Variants in AADAT observed in about 807,000 individuals in gnomAD.
The protein encoded by AADAT is aminoadipate aminotransferase.
A neutral mutation model predicts 56.2 loss-of-function variants in AADAT; 25 were observed. The ratio of observed to expected loss-of-function variants is 0.44; its 90% CI spans 0.32 to 0.62. AADAT has a LOEUF of 0.62. Ranked by LOEUF, AADAT falls within the 20% of genes least tolerant of loss-of-function variation. The pLI is 0.04. For missense variants in AADAT, 387 were observed against 510.5 expected (o/e 0.76, Z 2.33); for synonymous variants, 173 against 164.7 (o/e 1.05, Z -0.39).
chr4:170,065,198 T>C (rs911200886), intron 10 of AADAT, among the ~76,000 whole-genome samples: 6 of 152,190 alleles, frequency 3.9e-5, no homozygotes, highest in African/African-American at 1.2e-4. Flanking sequence ...CTTCCATTAT[T>C]TGTGGATTCT....
Position 170,089,816 on chromosome 4 carries a change from C to T in AADAT, c.-126G>A. ...AACGCCACCGCGAGATGTGTCCCCCCGCTGCGTCTGGCTTCCCGCGCGCGG... is the reference window on the plus strand; with the variant it reads ...AACGCCACCGCGAGATGTGTCCCCCTGCTGCGTCTGGCTTCCCGCGCGCGG... On this transcript the variant is annotated 5_prime_UTR_variant, in exon 1 of 13. Coordinates refer to ENST00000337664, the MANE Select transcript of AADAT (RefSeq NM_016228.4). The T allele has an allele frequency of 1.0e-6, 1 of 976,126 alleles. No individual in the cohort carries two copies. 60.5% of individuals were successfully genotyped at this position (976,126 alleles called of 1,614,324 possible). A position where few individuals can be genotyped will look rare whatever the true frequency, so the allele number is the denominator to read the frequency against.
In AADAT at chr4:170,075,928, C is replaced by T. The variant is rs138841583; in HGVS notation, c.444+2581G>A. 9.9e-4 allele frequency among the ~76,000 whole-genome samples: 150 copies of T among 152,232 alleles called. 1 individual carries two copies. The highest frequency in any genetic ancestry group is 3.5e-3 in the African/African-American group (147 of 41,512). The stretch of plus-strand genomic sequence containing the variant: ...TGTAATATGTATCAGATCTGTGTTC[C>T]TTCTTATGGCTGAATAATATTCCAT... On this transcript the variant is annotated intron_variant, in intron 4 of 12. Coordinates refer to ENST00000337664, the MANE Select transcript of AADAT (RefSeq NM_016228.4).
chr4:170,087,708 T>G (rs1732632432), intron 2 of AADAT, among the ~76,000 whole-genome samples: 1 of 152,130 alleles, frequency 6.6e-6, no homozygotes, highest in African/African-American at 2.4e-5. Context: ...TCAATACACT[T>G]TTCAATCACA....
chr4:170,068,218 A>G (rs1731576299), intron 8 of AADAT, among the ~76,000 whole-genome samples: 1 of 152,100 alleles, frequency 6.6e-6, no homozygotes, highest in Non-Finnish European at 1.5e-5. Flanking sequence ...AAAATATGAA[A>G]AAAAGTCTCC....
intron 6 of AADAT, among the ~76,000 whole-genome samples, chr4:170,069,449 C>T (rs1381314085): frequency 1.3e-5 from 2 of 152,176 alleles, no homozygotes; most frequent in Non-Finnish European, 2.9e-5. Flanking sequence ...CAAAAACACA[C>T]ACAAGGGCTT....
At chr4:170,083,039 T>C (rs1269706992) in intron 3 of AADAT, among the ~76,000 whole-genome samples, 3 of 150,280 alleles carry the variant, frequency 2.0e-5, no homozygotes, top group Non-Finnish European at 4.4e-5. Flanking sequence ...CTAGATCTAA[T>C]AGACCTAGTA....
At chr4:170,084,880 G>A (rs1190060168) in intron 3 of AADAT, among the ~76,000 whole-genome samples, 1 of 152,190 alleles carries the variant, frequency 6.6e-6, no homozygotes, top group Non-Finnish European at 1.5e-5. Context: ...CCTAATTAGC[G>A]TTGATCCTTG....
chr4:170,093,284 G>T (rs752232991), upstream of AADAT, among the ~76,000 whole-genome samples: 4 of 152,078 alleles, frequency 2.6e-5, no homozygotes, highest in South Asian at 2.1e-4. Context: ...ACAAAAATTA[G>T]CGGTGTTTGG....
At chr4:170,064,178 T>C (rs890931243) in intron 11 of AADAT, among the ~76,000 whole-genome samples, 7 of 152,190 alleles carry the variant, frequency 4.6e-5, no homozygotes, top group African/African-American at 1.7e-4. Flanking sequence ...TTTTATACAT[T>C]TTCCAAATAT....
chr4:170,070,538 T>TG, intron 6 of AADAT, 49 bp downstream of exon 6: 1 of 1,442,680 alleles, frequency 6.9e-7, no homozygotes, highest in Non-Finnish European at 9.7e-7. Flanking sequence ...TGCAGTAACT[T>TG]AAAACAACTT....
intron 4 of AADAT, among the ~76,000 whole-genome samples, chr4:170,076,245 A>ATT (rs145270497): frequency 2.7e-4 from 41 of 151,554 alleles, no homozygotes; most frequent in African/African-American, 9.7e-4. Flanking sequence ...CATATTCACT[A>ATT]TTTTTTTTTA....
chr4:170,088,317 T>C, intron 2 of AADAT, 79 bp downstream of exon 2: 1 of 1,356,822 alleles, frequency 7.4e-7, no homozygotes, highest in African/African-American at 1.5e-5. Context: ...AATATTTCTT[T>C]AATATTCTTT....
chr4:170,067,339 G>T lies in AADAT; in HGVS notation c.950C>A (p.Ala317Asp). ...AATGATACAATACCTGTCTACATGA[G>T]CCATGAAACCTTCTTCTCCCCATTC... is the stretch of plus-strand genomic sequence containing the variant. ...LHEWGEEGFM[A>D]HVDRVIDFYS... The change falls in exon 9 of 13, where the codon GCT (alanine) becomes GAT (aspartate). Residue 317 changes from alanine to aspartate, a missense_variant. Coordinates refer to ENST00000337664, the MANE Select transcript of AADAT (RefSeq NM_016228.4). 1.2e-6 allele frequency: 2 copies of T among 1,613,088 alleles called. No homozygotes were observed. Among genetic ancestry groups the T allele is most frequent in the African/African-American group, 1.3e-5 (1 of 74,982 alleles).
chr4:170,069,940 A>G (rs187446395), intron 6 of AADAT, among the ~76,000 whole-genome samples: 2 of 152,288 alleles, frequency 1.3e-5, no homozygotes, highest in Non-Finnish European at 1.5e-5. Context: ...TGGTCTTAAC[A>G]TTATCATCAT....
chr4:170,070,956 A>T (rs926724922), intron 5 of AADAT, among the ~76,000 whole-genome samples: 1 of 152,244 alleles, frequency 6.6e-6, no homozygotes, highest in Non-Finnish European at 1.5e-5. Flanking sequence ...TCTGTCGCCC[A>T]GGCTGGAGTG....
chr4:170,085,795 T>C (rs1232051609), intron 3 of AADAT, among the ~76,000 whole-genome samples: 1 of 152,170 alleles, frequency 6.6e-6, no homozygotes, highest in Non-Finnish European at 1.5e-5. Context: ...TTTAAAAACT[T>C]TAAAAAATGT....
chr4:170,065,127 T>C (rs1469276652), intron 10 of AADAT, among the ~76,000 whole-genome samples: 1 of 152,194 alleles, frequency 6.6e-6, no homozygotes, highest in Admixed American at 6.5e-5. Flanking sequence ...ATCCCACTCC[T>C]CTCTCCTTCA....
intron 4 of AADAT, among the ~76,000 whole-genome samples, chr4:170,078,205 C>T (rs1732129319): frequency 6.6e-6 from 1 of 152,066 alleles, no homozygotes; most frequent in African/African-American, 2.4e-5. Context: ...ATTTAAGTTA[C>T]ATTTCAAGTA....
rs767660145 is a variant in AADAT at position 170,089,860 on chromosome 4, G to A, written c.-170C>T. The A allele has an allele frequency of 7.1e-4, 459 of 649,296 alleles. 1 individual carries two copies. The highest frequency in any genetic ancestry group is 8.4e-4 in the Non-Finnish European group (310 of 369,202). 40.2% of individuals were successfully genotyped at this position (649,296 alleles called of 1,614,324 possible). A position where few individuals can be genotyped will look rare whatever the true frequency, so the allele number is the denominator to read the frequency against. ...CGCGCGGTGCCCGGAGAACGCCGCC[G>A]AAACTCCCCGGCTGGACGCTGCGTT... On this transcript the variant is annotated 5_prime_UTR_variant, in exon 1 of 13. Transcript: ENST00000337664.
Sources: allele counts gnomAD v4.1 joint callset (sites outside exome capture counted in the v4.1 genomes callset), GRCh38; gene constraint gnomAD v4.1.1; transcripts MANE v1.5; gene names NCBI Gene and HGNC (gene_info 2026-07-23, HGNC 2026-07-21).